Variants in NLRC5 observed in about 807,000 individuals in gnomAD.
NLRC5 encodes NLR family CARD domain containing 5.
Under a neutral mutation model 206.9 loss-of-function variants are expected in NLRC5, and 114 were observed. The ratio of observed to expected loss-of-function variants is 0.55; its 90% CI spans 0.47 to 0.64. NLRC5 has a LOEUF of 0.64. Ranked by LOEUF, NLRC5 falls within the 30% of genes least tolerant of loss-of-function variation. The pLI is 0.00. For synonymous variants in NLRC5, 952 were observed against 962.8 expected (o/e 0.99, Z 0.21); for missense variants, 2,008 against 2,305.5 (o/e 0.87, Z 2.64).
intron 39 of NLRC5, among the ~76,000 whole-genome samples, chr16:57,075,082 T>TGCAGTG (rs1166690390): frequency 7.7e-6 from 1 of 130,334 alleles, no homozygotes; most frequent in Non-Finnish European, 1.5e-5. Context: ...CAGGCTGGAG[T>TGCAGTG]GCAGTGGCAA....
Position 57,031,446 on chromosome 16 carries a change from A to C in NLRC5, c.2460A>C (p.Thr820=), listed in dbSNP as rs769743999. The C allele has an allele frequency of 1.2e-6, 2 of 1,613,906 alleles. No individual in the cohort carries two copies. The highest frequency in any genetic ancestry group is 3.3e-5 in the Admixed American group (2 of 60,008). ...LIFLLSPPTE[T]TAELQRAPDL... is the part of the protein sequence containing the mutation. ...TCCTTCTTTCCCCGCCCACAGAGAC[A>C]ACTGCAGAGCTACAAAGGTAAGAAG... Residue 820 remains threonine, a synonymous_variant, in exon 11 of 49, where the codon ACA becomes ACC. Transcript: ENST00000688547.
chr16:57,083,254 C>G lies in NLRC5; in HGVS notation c.*726C>G, dbSNP rs2069345862. 6.6e-6 allele frequency: 1 copy of G among 152,332 alleles called. No homozygotes were observed. Among genetic ancestry groups the G allele is most frequent in the African/African-American group, 2.4e-5 (1 of 41,464 alleles). 9.4% of individuals were successfully genotyped at this position (152,332 alleles called of 1,614,324 possible). ...TTACTTACATACTAGCTTCCAAGGA[C>G]AGGTGGAGGTAGGGCCAGCCTGGCG... On this transcript the variant is annotated 3_prime_UTR_variant, in exon 49 of 49. Coordinates refer to ENST00000688547, the MANE Select transcript of NLRC5 (RefSeq NM_001384950.1).
At chr16:57,060,888 GC>G (rs2066383251) in intron 30 of NLRC5, among the ~76,000 whole-genome samples, 1 of 152,206 alleles carries the variant, frequency 6.6e-6, no homozygotes, top group African/African-American at 2.4e-5. Flanking sequence ...CTTTCACTTG[GC>G]TGGGCCCGTC....
At chr16:57,057,674 A>T (rs571886414) in intron 27 of NLRC5, among the ~76,000 whole-genome samples, 64 of 152,220 alleles carry the variant, frequency 4.2e-4, no homozygotes, top group Non-Finnish European at 7.3e-4. Flanking sequence ...TGCTGGAGGC[A>T]CCTGAGCTAT....
At chr16:57,077,421 C>T (rs1051473308) in intron 41 of NLRC5, 42 bp downstream of exon 41, 41 of 1,556,756 alleles carry the variant, frequency 2.6e-5, no homozygotes, top group Non-Finnish European at 3.5e-5. Context: ...AGGGGTCACA[C>T]GATGGTCCTA....
intron 1 of NLRC5, chr16:56,992,117 C>T (rs189121163): frequency 2.2e-4 from 34 of 152,320 alleles, no homozygotes; most frequent in African/African-American, 7.7e-4. Context: ...GGCCAGCAGC[C>T]GGTGGGAACC....
chr16:57,077,445 C>G (rs2068538188), intron 41 of NLRC5, 66 bp downstream of exon 41: 7 of 1,424,102 alleles, frequency 4.9e-6, no homozygotes, highest in Non-Finnish European at 6.9e-6. Flanking sequence ...GATACTGGCC[C>G]CTAGCTGAGG....
At chr16:57,064,915 A>C (rs1311922732) in intron 32 of NLRC5, among the ~76,000 whole-genome samples, 7 of 152,136 alleles carry the variant, frequency 4.6e-5, no homozygotes, top group African/African-American at 1.7e-4. Flanking sequence ...CAAGAGCAAA[A>C]CTCTGTCTCA....
rs139768687 is a variant in NLRC5, at chr16:57,009,908, G to A, written c.-127-7166G>A. On this transcript the variant is annotated intron_variant, in intron 1 of 48. Coordinates refer to ENST00000688547, the MANE Select transcript of NLRC5 (RefSeq NM_001384950.1). ...CTCTGTCTTAATAGCTGACTCCTGC[G>A]TGGAGTAGGTTATTGGGGGATGGGT... Among the ~76,000 whole-genome samples, 199 of 152,312 alleles carry A rather than the reference G, an allele frequency of 1.3e-3. 1 individual carries two copies. The highest frequency in any genetic ancestry group is 1.6e-3 in the Non-Finnish European group (109 of 68,034).
rs146297052 is a variant in NLRC5, at chr16:57,073,703, C to G, written c.4668-897C>G. Among the ~76,000 whole-genome samples the G allele has an allele frequency of 1.2e-3, 190 of 152,336 alleles. 1 individual carries two copies. Among genetic ancestry groups the G allele is most frequent in the African/African-American group, 4.3e-3 (180 of 41,562 alleles). ...CCGCCTCCCGGGTTCAAGCAACCCTCCTGCCTCAGCCTCCCAAGTAGCTGG... is the reference window on the plus strand; with the variant it reads ...CCGCCTCCCGGGTTCAAGCAACCCTGCTGCCTCAGCCTCCCAAGTAGCTGG... On this transcript the variant is annotated intron_variant, in intron 38 of 48. Coordinates refer to ENST00000688547, the MANE Select transcript of NLRC5 (RefSeq NM_001384950.1).
At chr16:57,035,774 TG>T (rs2062481209) in intron 13 of NLRC5, among the ~76,000 whole-genome samples, 1 of 152,236 alleles carries the variant, frequency 6.6e-6, no homozygotes, top group Non-Finnish European at 1.5e-5. Context: ...GCAGGCTGCC[TG>T]GGTTCAAATC....
Position 57,083,232 on chromosome 16 carries a change from C to T in NLRC5, c.*704C>T, listed in dbSNP as rs1171500991. The T allele has an allele frequency of 6.6e-6, 1 of 152,300 alleles. No individual in the cohort carries two copies. Among genetic ancestry groups the T allele is most frequent in the African/African-American group, 2.4e-5 (1 of 41,458 alleles). The allele number at this position is 152,300 out of a possible 1,614,324, so 9.4% of individuals were successfully genotyped here. A position where few individuals can be genotyped will look rare whatever the true frequency, so the allele number is the denominator to read the frequency against. Reference sequence around the variant, plus strand: ...TATAAACTTGATGACTCCTCCCTTACTTACATACTAGCTTCCAAGGACAGG... The same window carrying T: ...TATAAACTTGATGACTCCTCCCTTATTTACATACTAGCTTCCAAGGACAGG... On this transcript the variant is annotated 3_prime_UTR_variant, in exon 49 of 49. Transcript: ENST00000688547.
Position 57,074,585 on chromosome 16 carries a change from C to T in NLRC5, c.4668-15C>T. 6.2e-7 allele frequency: 1 copy of T among 1,613,256 alleles called. No homozygotes were observed. Among genetic ancestry groups the T allele is most frequent in the Non-Finnish European group, 8.5e-7 (1 of 1,179,222 alleles). On this transcript the variant is annotated splice_polypyrimidine_tract_variant and intron_variant, in intron 38 of 48. Coordinates refer to ENST00000688547, the MANE Select transcript of NLRC5 (RefSeq NM_001384950.1). The stretch of plus-strand genomic sequence containing the variant: ...ACCCCCAGATGTCAAGTTCACCTGG[C>T]CTCCTCTTCTCCAGCCTCAGTCACC...
At chr16:57,021,219 C>T (rs1323227452) in intron 3 of NLRC5, 5 of 515,118 alleles carry the variant, frequency 9.7e-6, no homozygotes, top group Non-Finnish European at 1.7e-5. Flanking sequence ...TGGCTTCACT[C>T]GAATTGCTCG....
intron 2 of NLRC5, among the ~76,000 whole-genome samples, chr16:57,019,621 C>T (rs535329150): frequency 6.6e-6 from 1 of 152,298 alleles, no homozygotes; most frequent in East Asian, 1.9e-4. Flanking sequence ...GTATGGGTTC[C>T]ACCTCATGAT....
chr16:57,030,026 C>T lies in NLRC5; in HGVS notation c.2359C>T (p.Leu787=). ...LSSNSICVST[L]LCLARVAVTC... ...CAGCAACAGCATCTGCGTGTCAACCCTACTCTGCTTGGCAAGGGTGGCAGT... is the reference window on the plus strand; with the variant it reads ...CAGCAACAGCATCTGCGTGTCAACCTTACTCTGCTTGGCAAGGGTGGCAGT... The change falls in exon 10 of 49, where the codon CTA becomes TTA. Residue 787 remains leucine (L), a synonymous_variant. Transcript: ENST00000688547. The T allele has an allele frequency of 6.2e-7, 1 of 1,614,146 alleles. No homozygotes were observed.
intron 1 of NLRC5, among the ~76,000 whole-genome samples, chr16:56,989,866 G>A (rs962099517): frequency 5.9e-5 from 9 of 152,208 alleles, no homozygotes; most frequent in Admixed American, 2.0e-4. Context: ...GCAGAGGATG[G>A]CAGATGAGGG....
chr16:57,001,268 T>C (rs1400508530), intron 1 of NLRC5, among the ~76,000 whole-genome samples: 1 of 152,242 alleles, frequency 6.6e-6, no homozygotes, highest in Non-Finnish European at 1.5e-5. Context: ...GAGGTATTTC[T>C]GTCCAAATGT....
chr16:57,039,950 C>A, intron 16 of NLRC5, 101 bp downstream of exon 16: 1 of 1,025,710 alleles, frequency 9.7e-7, no homozygotes, highest in Non-Finnish European at 1.5e-6. Flanking sequence ...CCAGGGTGAC[C>A]TGGACAAATT....
Sources: gnomAD v4.1 joint callset for allele counts (sites outside exome capture counted in the v4.1 genomes callset) on GRCh38, gnomAD v4.1.1 for gene constraint, MANE v1.5 for transcripts, NCBI Gene and HGNC (gene_info 2026-07-23, HGNC 2026-07-21) for gene names.